CSNK2A2IP: variants seen among roughly 807,000 people sequenced by gnomAD.
CSNK2A2IP encodes casein kinase II subunit alpha'-interacting protein.
the CSNK2A2IP span, among the ~76,000 whole-genome samples, chr3:88,361,094 T>C: frequency 6.6e-6 from 1 of 152,222 alleles, no homozygotes; most frequent in Non-Finnish European, 1.5e-5. Flanking sequence ...TTATTATTTT[T>C]GGTAGATTTG....
At chr3:88,466,214 C>G in the CSNK2A2IP span, 1 of 1,231,668 alleles carries the variant, frequency 8.1e-7, no homozygotes. Context: ...ATATTGAACT[C>G]TAACCCCACT....
chr3:88,363,383 G>T, the CSNK2A2IP span, among the ~76,000 whole-genome samples: 1 of 152,086 alleles, frequency 6.6e-6, no homozygotes, highest in East Asian at 1.9e-4. Flanking sequence ...CTCATCTCTG[G>T]AAGTTAGATT....
chr3:88,398,623 G>T, the CSNK2A2IP span, among the ~76,000 whole-genome samples: 1 of 152,068 alleles, frequency 6.6e-6, no homozygotes, highest in African/African-American at 2.4e-5. Flanking sequence ...ATAGAGAAAG[G>T]TCCCATCTTG....
At chr3:88,407,760 G>A in the CSNK2A2IP span, among the ~76,000 whole-genome samples, 2 of 152,014 alleles carry the variant, frequency 1.3e-5, no homozygotes, top group Admixed American at 6.6e-5. Flanking sequence ...GTCTTGCTCA[G>A]CCACCCAGGG....
At chr3:88,387,170 T>C in the CSNK2A2IP span, among the ~76,000 whole-genome samples, 7 of 151,524 alleles carry the variant, frequency 4.6e-5, no homozygotes, top group Non-Finnish European at 1.0e-4. Context: ...ATGCTTTTTT[T>C]TTTTTTTTTT....
At chr3:88,361,090 T>C in the CSNK2A2IP span, among the ~76,000 whole-genome samples, 1,267 of 152,334 alleles carry the variant, frequency 8.3e-3, 12 homozygotes, top group African/African-American at 0.029. Context: ...GTAGTTATTA[T>C]TTTTGGTAGA....
At chr3:88,369,442 A>G in the CSNK2A2IP span, among the ~76,000 whole-genome samples, 1 of 151,920 alleles carries the variant, frequency 6.6e-6, no homozygotes, top group Admixed American at 6.6e-5. Context: ...GGAAGACAAA[A>G]ACTTCAGAAG....
the CSNK2A2IP span, among the ~76,000 whole-genome samples, chr3:88,384,091 A>C: frequency 9.7e-3 from 1,479 of 152,296 alleles, 16 homozygotes; most frequent in Non-Finnish European, 0.014. Context: ...AACATTTTCC[A>C]GAGTGGCTAC....
the CSNK2A2IP span, among the ~76,000 whole-genome samples, chr3:88,357,427 G>A: frequency 2.0e-5 from 3 of 151,962 alleles, no homozygotes; most frequent in Non-Finnish European, 4.4e-5. Flanking sequence ...TAGTGTTGCT[G>A]GGTTCTATTT....
At chr3:88,389,658 T>A in the CSNK2A2IP span, among the ~76,000 whole-genome samples, 81 of 152,278 alleles carry the variant, frequency 5.3e-4, no homozygotes, top group South Asian at 8.3e-3. Flanking sequence ...GATGAAATAA[T>A]CCAGGTTGGA....
At chr3:88,339,634 A>C in the CSNK2A2IP span, among the ~76,000 whole-genome samples, 1 of 152,096 alleles carries the variant, frequency 6.6e-6, no homozygotes, top group Admixed American at 6.6e-5. Context: ...AAGATTGTTC[A>C]GTGATAACTG....
At chr3:88,339,608 T>C in the CSNK2A2IP span, among the ~76,000 whole-genome samples, 3 of 152,086 alleles carry the variant, frequency 2.0e-5, no homozygotes, top group Admixed American at 2.0e-4. Context: ...CCATTTCCGA[T>C]GCATTCTGTA....
the CSNK2A2IP span, among the ~76,000 whole-genome samples, chr3:88,406,296 A>G: frequency 2.0e-5 from 3 of 152,208 alleles, no homozygotes; most frequent in African/African-American, 7.2e-5. Context: ...GCAGGTAGTT[A>G]CTTTCTTAAT....
chr3:88,366,441 C>G, the CSNK2A2IP span, among the ~76,000 whole-genome samples: 1 of 152,036 alleles, frequency 6.6e-6, no homozygotes, highest in Non-Finnish European at 1.5e-5. Flanking sequence ...ATTTATTTTT[C>G]TAAAAGAGAT....
chr3:88,380,890 A>C, the CSNK2A2IP span, among the ~76,000 whole-genome samples: 2 of 152,222 alleles, frequency 1.3e-5, no homozygotes, highest in Non-Finnish European at 2.9e-5. Flanking sequence ...ATCTATCAAA[A>C]CTAATATCTT....
At chr3:88,402,024 CTT>C in the CSNK2A2IP span, among the ~76,000 whole-genome samples, 78 of 140,172 alleles carry the variant, frequency 5.6e-4, no homozygotes, top group East Asian at 1.4e-3. Flanking sequence ...TCTGCTATGT[CTT>C]TTTTTTTTTT....
At chr3:88,445,383 T>C in the CSNK2A2IP span, among the ~76,000 whole-genome samples, 6 of 148,754 alleles carry the variant, frequency 4.0e-5, no homozygotes, top group African/African-American at 1.5e-4. Context: ...TCGGGAGGCA[T>C]AGTGAGCCAA....
chr3:88,420,271 T>A, the CSNK2A2IP span, among the ~76,000 whole-genome samples: 1 of 152,186 alleles, frequency 6.6e-6, no homozygotes, highest in Non-Finnish European at 1.5e-5. Flanking sequence ...CTCTGTCAGT[T>A]CCAAGAAAAA....
the CSNK2A2IP span, among the ~76,000 whole-genome samples, chr3:88,418,463 T>TGTGCGC: frequency 9.4e-5 from 14 of 149,632 alleles, no homozygotes; most frequent in African/African-American, 3.4e-4. Context: ...TGTGTGTGTG[T>TGTGCGC]GCGCGCGGGC....
Sources: allele counts gnomAD v4.1 joint callset (sites outside exome capture counted in the v4.1 genomes callset), GRCh38; gene constraint gnomAD v4.1.1; transcripts MANE v1.5; gene names NCBI Gene and HGNC (gene_info 2026-07-23, HGNC 2026-07-21).